The following ENTHD1 variants were observed in gnomAD, a reference collection of about 807,000 sequenced individuals.
The protein encoded by ENTHD1 is ENTH domain-containing protein 1.
In ENTHD1, 23 loss-of-function variants were observed where a neutral mutation model predicts 39.1. The observed-to-expected ratio is 0.59, with a 90% CI of 0.42 to 0.83. The LOEUF is 0.83. Ranked by LOEUF, ENTHD1 falls within the 40% of genes least tolerant of loss-of-function variation. ENTHD1 has a pLI of 0.00. For missense variants in ENTHD1, 624 were observed against 705.4 expected (o/e 0.88, Z 1.31); for synonymous variants, 230 against 258.2 (o/e 0.89, Z 1.05).
intron 5 of ENTHD1, among the ~76,000 whole-genome samples, chr22:39,797,118 C>T (rs2065557005): frequency 6.6e-6 from 1 of 152,114 alleles, no homozygotes; most frequent in South Asian, 2.1e-4. Flanking sequence ...TACATAATGA[C>T]CTTGTCTCTT....
chr22:39,837,791 G>A (rs1428769848), intron 3 of ENTHD1, among the ~76,000 whole-genome samples: 2 of 152,224 alleles, frequency 1.3e-5, no homozygotes, highest in Non-Finnish European at 2.9e-5. Context: ...AGGCAGGGGT[G>A]CCATATGTCA....
intron 2 of ENTHD1, among the ~76,000 whole-genome samples, chr22:39,869,586 G>C (rs146565326): frequency 6.6e-6 from 1 of 150,546 alleles, no homozygotes; most frequent in Non-Finnish European, 1.5e-5. Context: ...GTGTATCCAG[G>C]TAACAAACCT....
chr22:39,799,931 C>T (rs898057177), intron 5 of ENTHD1, among the ~76,000 whole-genome samples: 16 of 152,112 alleles, frequency 1.1e-4, no homozygotes, highest in African/African-American at 3.6e-4. Flanking sequence ...GCTGTTAGGT[C>T]CCAGGTCAGG....
chr22:39,858,712 T>C (rs777824712), intron 3 of ENTHD1, among the ~76,000 whole-genome samples: 3 of 152,220 alleles, frequency 2.0e-5, no homozygotes, highest in Non-Finnish European at 4.4e-5. Flanking sequence ...CTTGTACATC[T>C]CCATCAGAGC....
At chr22:39,803,998 TAA>T (rs1272081098) in intron 5 of ENTHD1, among the ~76,000 whole-genome samples, 9 of 147,042 alleles carry the variant, frequency 6.1e-5, no homozygotes, top group Non-Finnish European at 1.4e-4. Context: ...CCTGTCTCTA[TAA>T]AAAATAGAAA....
chr22:39,768,959 A>G (rs1366350005), intron 5 of ENTHD1, among the ~76,000 whole-genome samples: 1 of 151,772 alleles, frequency 6.6e-6, no homozygotes, highest in East Asian at 1.9e-4. Flanking sequence ...CAAAGTATGG[A>G]TTATGTATAT....
intron 3 of ENTHD1, among the ~76,000 whole-genome samples, chr22:39,849,250 G>C (rs761545360): frequency 6.6e-6 from 1 of 152,058 alleles, no homozygotes; most frequent in Non-Finnish European, 1.5e-5. Flanking sequence ...TTTGGATTTC[G>C]ATTGTAACTG....
Position 39,887,717 on chromosome 22 carries a change from A to C in ENTHD1, c.32T>G (p.Val11Gly). The C allele has an allele frequency of 6.3e-7, 1 of 1,585,618 alleles. No individual in the cohort carries two copies. The highest frequency in any genetic ancestry group is 8.6e-7 in the Non-Finnish European group (1 of 1,168,050). The change falls in exon 2 of 7, where the codon GTG becomes GGG. Residue 11 changes from valine (V) to glycine (G), a missense_variant. Physicochemically the swap from Val to Gly is moderately radical, Grantham distance 109. Coordinates refer to ENST00000325157, the MANE Select transcript of ENTHD1 (RefSeq NM_152512.4). MAFRRQVKNF[V>G]KNYSDAEIKV... The stretch of plus-strand genomic sequence containing the variant: ...TATTTCAGCATCTGAGTAATTTTTC[A>C]CAAAGTTTTTCACTTGTCTCCTGAA...
At chr22:39,816,700 C>A (rs1031514100) in intron 5 of ENTHD1, among the ~76,000 whole-genome samples, 1 of 151,776 alleles carries the variant, frequency 6.6e-6, no homozygotes, top group Non-Finnish European at 1.5e-5. Flanking sequence ...AAAATATGGG[C>A]AAATATGTTC....
chr22:39,854,351 T>C (rs1350802218), intron 3 of ENTHD1, among the ~76,000 whole-genome samples: 1 of 152,250 alleles, frequency 6.6e-6, no homozygotes, highest in Non-Finnish European at 1.5e-5. Flanking sequence ...TATGGAATGC[T>C]ATTACATTTG....
intron 2 of ENTHD1, among the ~76,000 whole-genome samples, chr22:39,869,962 T>A (rs780191532): frequency 6.6e-6 from 1 of 151,272 alleles, no homozygotes; most frequent in South Asian, 2.1e-4. Flanking sequence ...TGAAGATAGA[T>A]TTGGTAATTG....
intron 5 of ENTHD1, among the ~76,000 whole-genome samples, chr22:39,793,609 T>C (rs757051963): frequency 2.0e-5 from 3 of 152,184 alleles, no homozygotes; most frequent in Non-Finnish European, 2.9e-5. Context: ...TTTCTTCAAG[T>C]AGTTTTATAA....
rs536905278 is a variant in ENTHD1 at position 39,791,532 on chromosome 22, C to T, written c.833-25923G>A. On this transcript the variant is annotated intron_variant, in intron 5 of 6. Transcript: ENST00000325157. ...GCCTCAGCCTCCTGAGTAGCTGGGA[C>T]TACAGGTGTGTGCCACCAGGCCTGG... Among the ~76,000 whole-genome samples the T allele has an allele frequency of 3.3e-5, 5 of 151,850 alleles. No individual in the cohort carries two copies. The East Asian group carries it at 9.7e-4, about 29-fold the overall frequency.
intron 6 of ENTHD1, among the ~76,000 whole-genome samples, chr22:39,763,298 T>C (rs1485056754): frequency 1.3e-5 from 2 of 152,198 alleles, no homozygotes; most frequent in South Asian, 4.1e-4. Context: ...AGAAGCTGCT[T>C]CCCATTTAGT....
chr22:39,768,987 C>T (rs185388506), intron 5 of ENTHD1, among the ~76,000 whole-genome samples: 187 of 151,648 alleles, frequency 1.2e-3, no homozygotes, highest in Non-Finnish European at 2.4e-3. Context: ...GATACATATA[C>T]ACACACTAAC....
At chr22:39,744,796 C>T (rs2065090640) in intron 6 of ENTHD1, among the ~76,000 whole-genome samples, 2 of 152,220 alleles carry the variant, frequency 1.3e-5, no homozygotes, top group South Asian at 4.1e-4. Flanking sequence ...GAAATATAAT[C>T]AAGACTGAAG....
chr22:39,839,645 A>G (rs973618108), intron 3 of ENTHD1, among the ~76,000 whole-genome samples: 3 of 152,230 alleles, frequency 2.0e-5, no homozygotes, highest in African/African-American at 7.2e-5. Context: ...TTTGTAGCTA[A>G]TATTGGCAAA....
At chr22:39,890,144 AAAT>A (rs1347870895) in intron 1 of ENTHD1, among the ~76,000 whole-genome samples, 23 of 149,778 alleles carry the variant, frequency 1.5e-4, no homozygotes, top group South Asian at 4.2e-4. Flanking sequence ...ATAAATAAAT[AAAT>A]AAAAAAGAAA....
At chr22:39,831,921 CCGG>C (rs1171646676) in intron 4 of ENTHD1, among the ~76,000 whole-genome samples, 1 of 152,032 alleles carries the variant, frequency 6.6e-6, no homozygotes, top group Non-Finnish European at 1.5e-5. Flanking sequence ...ATTTAATTTA[CCGG>C]AATAAATCAA....
Sources: gnomAD v4.1 joint callset for allele counts (sites outside exome capture counted in the v4.1 genomes callset) on GRCh38, gnomAD v4.1.1 for gene constraint, MANE v1.5 for transcripts, NCBI Gene and HGNC (gene_info 2026-07-23, HGNC 2026-07-21) for gene names.